The following TOP1MT variants were observed in gnomAD, a reference collection of about 807,000 sequenced individuals.
TOP1MT encodes DNA topoisomerase I, mitochondrial.
In TOP1MT, 80 loss-of-function variants were observed where a neutral mutation model predicts 73.9. That is an observed-to-expected ratio of 1.08 (90% CI 0.90 to 1.30). The LOEUF is 1.30. TOP1MT is among the 50% of genes most tolerant of loss of function. The pLI, the probability that TOP1MT is intolerant of heterozygous loss-of-function variation, is 0.00. For missense variants in TOP1MT, 815 were observed against 808.0 expected, an observed-to-expected ratio of 1.01 and a Z score of -0.10; for synonymous variants, 338 against 326.4, an observed-to-expected ratio of 1.04 and a Z score of -0.38.
intron 8 of TOP1MT, among the ~76,000 whole-genome samples, chr8:143,320,396 C>T (rs1816298076): frequency 6.6e-6 from 1 of 152,110 alleles, no homozygotes; most frequent in South Asian, 2.1e-4. Flanking sequence ...TCCCAAAGTG[C>T]TGGGATTACA....
chr8:143,359,874 C>T (rs1817475271), upstream of TOP1MT: 1 of 152,378 alleles, frequency 6.6e-6, no homozygotes, highest in Non-Finnish European at 1.5e-5. Flanking sequence ...CCGAGTCCCA[C>T]CTCCTCTGCA....
intron 1 of TOP1MT, among the ~76,000 whole-genome samples, chr8:143,333,588 C>A (rs1563767685): frequency 6.6e-6 from 1 of 152,226 alleles, no homozygotes; most frequent in Non-Finnish European, 1.5e-5. Context: ...TGCCGGCCAG[C>A]GGCCAGGCAG....
chr8:143,322,804 A>G (rs868695617), intron 7 of TOP1MT, among the ~76,000 whole-genome samples: 1 of 72,196 alleles, frequency 1.4e-5, no homozygotes, highest in Non-Finnish European at 2.5e-5. Flanking sequence ...GCACACACAC[A>G]TGCATGCCAC....
At chr8:143,319,671 G>A (rs149748653) in intron 8 of TOP1MT, among the ~76,000 whole-genome samples, 21 of 152,218 alleles carry the variant, frequency 1.4e-4, no homozygotes, top group African/African-American at 4.8e-4. Flanking sequence ...ATCCCTCTGG[G>A]CATCTATGCT....
At chr8:143,328,203 A>G (rs1165092232) in intron 3 of TOP1MT, 2 of 454,908 alleles carry the variant, frequency 4.4e-6, no homozygotes, top group Admixed American at 2.4e-5. Flanking sequence ...CATAAAAGAC[A>G]GATTGATAAA....
Position 143,322,600 on chromosome 8 carries a change from G to GACAC in TOP1MT, c.961-1215_961-1214insGTGT, listed in dbSNP as rs1563759633. On this transcript the variant is annotated intron_variant, in intron 7 of 13. Transcript: ENST00000329245. ...CACACATGCACGCCACACACATGCA[G>GACAC]GCCACACACATGCATGCCACACAGG... Among the ~76,000 whole-genome samples, 489 of 64,004 alleles carry GACAC rather than the reference G, an allele frequency of 7.6e-3. 12 individuals are homozygous for GACAC. The highest frequency in any genetic ancestry group is 0.028 in the African/African-American group (470 of 16,846). 42.0% of individuals were successfully genotyped at this position (64,004 alleles called of 152,430 possible). A position where few individuals can be genotyped will look rare whatever the true frequency, so the allele number is the denominator to read the frequency against.
At chr8:143,329,180 T>C (rs2130285061) in intron 3 of TOP1MT, among the ~76,000 whole-genome samples, 170 bp downstream of exon 3, 1 of 152,124 alleles carries the variant, frequency 6.6e-6, no homozygotes, top group South Asian at 2.1e-4. Context: ...GACAGGAGGA[T>C]GGCTTGAGCC....
chr8:143,339,813 G>A (rs2467942), upstream of TOP1MT, among the ~76,000 whole-genome samples: 8 of 139,922 alleles, frequency 5.7e-5, no homozygotes, highest in South Asian at 1.7e-3. Context: ...TTCCACCCCT[G>A]CCAGCACTGG....
intron 7 of TOP1MT, among the ~76,000 whole-genome samples, chr8:143,322,145 C>T (rs1175048670): frequency 2.9e-5 from 3 of 103,400 alleles, no homozygotes; most frequent in Non-Finnish European, 3.9e-5. Flanking sequence ...CACACAGGCA[C>T]GCCACACGCA....
rs1443215713 is a variant in TOP1MT, at chr8:143,353,959, A to AT, written c.-39+2005dup. On this transcript the variant is annotated intron_variant, in intron 1 of 5. Coordinates refer to the TOP1MT transcript ENST00000518760. Reference sequence around the variant, plus strand: ...AGCCTGGGCGACAAAGAGAGACTCCATCCCAAAAAAAAAAAAAAAAAAAAA... The same window carrying AT: ...AGCCTGGGCGACAAAGAGAGACTCCATTCCCAAAAAAAAAAAAAAAAAAAAA... 3.2e-3 allele frequency among the ~76,000 whole-genome samples: 268 copies of AT among 84,896 alleles called. 3 individuals carry two copies. The highest frequency in any genetic ancestry group is 0.011 in the African/African-American group (249 of 22,048). The allele number at this position is 84,896 out of a possible 152,430, so 55.7% of individuals were successfully genotyped here.
chr8:143,331,358 C>A lies in TOP1MT; in HGVS notation c.123-19G>T, dbSNP rs376084257. The A allele has an allele frequency of 3.7e-5, 59 of 1,599,612 alleles. No homozygotes were observed. The highest frequency in any genetic ancestry group is 1.7e-4 in the Middle Eastern group (1 of 6,026). ...CTCCCACCTAAAGACGGAGACAGGA[C>A]GTGTCACTCTCCTGGGCCAGGCCCT... On this transcript the variant is annotated intron_variant, in intron 1 of 13. Transcript: ENST00000329245.
chr8:143,331,092 A>C, intron 2 of TOP1MT, 132 bp downstream of exon 2: 1 of 654,724 alleles, frequency 1.5e-6, no homozygotes. Context: ...CATCACCTGC[A>C]AGAAGAGGGC....
At chr8:143,347,734 G>A (rs966249204), upstream of TOP1MT, among the ~76,000 whole-genome samples, 7 of 148,486 alleles carry the variant, frequency 4.7e-5, no homozygotes, top group African/African-American at 1.6e-4. Flanking sequence ...CCAGCCAGCG[G>A]GGAAGAGTTG....
At chr8:143,354,319 A>G (rs1474984675) in intron 1 of TOP1MT, among the ~76,000 whole-genome samples, 1 of 152,116 alleles carries the variant, frequency 6.6e-6, no homozygotes, top group African/African-American at 2.4e-5. Context: ...ATACTGCAGG[A>G]TTCTGTTTAC....
At chr8:143,316,312 G>A (rs1041508340) in intron 10 of TOP1MT, among the ~76,000 whole-genome samples, 186 bp from the exon 11 acceptor site, 3 of 152,188 alleles carry the variant, frequency 2.0e-5, no homozygotes, top group East Asian at 1.9e-4. Flanking sequence ...AGGGCCCAGC[G>A]TCTTTAACCA....
chr8:143,328,471 G>A (rs544968914), intron 3 of TOP1MT, among the ~76,000 whole-genome samples: 4 of 152,362 alleles, frequency 2.6e-5, no homozygotes, highest in East Asian at 1.9e-4. Context: ...TTAGGGAAAC[G>A]CAAACCACAC....
upstream of TOP1MT, among the ~76,000 whole-genome samples, chr8:143,337,758 A>C (rs1817006316): frequency 6.6e-6 from 1 of 152,198 alleles, no homozygotes; most frequent in South Asian, 2.1e-4. Context: ...AAAAAGTAGG[A>C]GTTAAAGAAA....
upstream of TOP1MT, chr8:143,334,950 C>T (rs1183071109): frequency 3.3e-6 from 4 of 1,203,564 alleles, no homozygotes; most frequent in Non-Finnish European, 4.1e-6. Flanking sequence ...CGCCCCCGAG[C>T]GCGGCCTCCG....
Position 143,323,994 on chromosome 8 carries a change from C to T in TOP1MT, c.960+5G>A. On this transcript the variant is annotated splice_donor_5th_base_variant and intron_variant, in intron 7 of 13. Transcript: ENST00000329245. Reference sequence around the variant, plus strand: ...GAGCCGCCAGGAAGCGAGAAGGCCGCATACCTTATCGATGAAATACAGGGC... The same window carrying T: ...GAGCCGCCAGGAAGCGAGAAGGCCGTATACCTTATCGATGAAATACAGGGC... The T allele has an allele frequency of 6.2e-7, 1 of 1,613,642 alleles. No individual in the cohort carries two copies. The highest frequency in any genetic ancestry group is 8.5e-7 in the Non-Finnish European group (1 of 1,179,942).
Sources: gnomAD v4.1 joint callset for allele counts (sites outside exome capture counted in the v4.1 genomes callset) on GRCh38, gnomAD v4.1.1 for gene constraint, MANE v1.5 for transcripts, NCBI Gene and HGNC (gene_info 2026-07-23, HGNC 2026-07-21) for gene names.